Variants in SAFB2 observed in about 807,000 individuals in gnomAD.
SAFB2 encodes scaffold attachment factor B2.
In SAFB2, 32 loss-of-function variants were observed where a neutral mutation model predicts 100.6. The ratio of observed to expected loss-of-function variants is 0.32; its 90% CI spans 0.24 to 0.43. The LOEUF is 0.43. Among genes scored for constraint, SAFB2 ranks in the 20% least tolerant of loss-of-function variants. SAFB2 has a pLI of 1.00. For synonymous variants in SAFB2, 500 were observed against 439.4 expected, an observed-to-expected ratio of 1.14 and a Z score of -1.72; for missense variants, 1,185 against 1,163.4, an observed-to-expected ratio of 1.02 and a Z score of -0.27.
intron 11 of SAFB2, 122 bp from the exon 12 acceptor site, chr19:5,600,382 T>G: frequency 7.6e-7 from 1 of 1,321,840 alleles, no homozygotes; most frequent in Non-Finnish European, 1.0e-6. Context: ...CCGGCAGCAA[T>G]TAGGTGGGAA....
intron 9 of SAFB2, 137 bp from the exon 10 acceptor site, chr19:5,605,073 T>C (rs1431470270): frequency 6.1e-6 from 6 of 989,792 alleles, no homozygotes; most frequent in Non-Finnish European, 8.9e-6. Context: ...AGTTACTGAA[T>C]TGGTTCTAAT....
intron 2 of SAFB2, 96 bp from the exon 3 acceptor site, chr19:5,616,582 T>C: frequency 1.9e-6 from 2 of 1,033,594 alleles, no homozygotes; most frequent in Non-Finnish European, 3.0e-6. Flanking sequence ...CAGAACACAT[T>C]ACAAGATAAA....
intron 18 of SAFB2, among the ~76,000 whole-genome samples, chr19:5,588,192 C>G (rs1012864258): frequency 2.6e-5 from 4 of 151,256 alleles, no homozygotes; most frequent in African/African-American, 9.7e-5. Flanking sequence ...CCCAGAAATG[C>G]CAATCCGAGC....
intron 9 of SAFB2, among the ~76,000 whole-genome samples, chr19:5,605,863 GA>G (rs1225999890): frequency 6.6e-6 from 1 of 152,210 alleles, no homozygotes; most frequent in East Asian, 1.9e-4. Context: ...AGACAGCACT[GA>G]GATTCTGAGA....
Position 5,590,342 on chromosome 19 carries a change from C to T in SAFB2, c.2461G>A (p.Gly821Ser), listed in dbSNP as rs767571803. 6 of 1,611,008 alleles carry T rather than the reference C, an allele frequency of 3.7e-6. No individual in the cohort carries two copies. Among genetic ancestry groups the T allele is most frequent in the South Asian group, 1.1e-5 (1 of 90,220 alleles). The change falls in exon 18 of 21, where the codon GGC (glycine) becomes AGC (serine). Residue 821 changes from glycine to serine, a missense_variant. Around this residue, in one of 3 missense-constraint regions of SAFB2, gnomAD observed 740 missense variants for 687.1 expected, o/e 1.08. Coordinates refer to ENST00000252542, the MANE Select transcript of SAFB2 (RefSeq NM_014649.3). ...PERHGRDSRD[G>S]WGGYGSDKRL... is the part of the protein sequence containing the mutation. The stretch of plus-strand genomic sequence containing the variant: ...TTGTCGGAGCCGTAGCCCCCCCAGC[C>T]ATCACGGGAGTCCCGGCCGTGGCGC...
At position 5,618,231 on chromosome 19, in the gene SAFB2, G is replaced by A. The variant is rs372406362; in HGVS notation, c.275-1745C>T. ...TAGAAAAACAGCCGGACGTGGTGGC[G>A]GGCGCCTGTAGTCTCAGCTACTCGG... is the stretch of plus-strand genomic sequence containing the variant. On this transcript the variant is annotated intron_variant, in intron 2 of 20. Coordinates refer to ENST00000252542, the MANE Select transcript of SAFB2 (RefSeq NM_014649.3). Among the ~76,000 whole-genome samples the A allele has an allele frequency of 7.8e-4, 115 of 147,592 alleles. 1 individual carries two copies. Among genetic ancestry groups the A allele is most frequent in the African/African-American group, 3.0e-3 (113 of 37,132 alleles).
intron 7 of SAFB2, 136 bp from the exon 8 acceptor site, chr19:5,610,824 G>A: frequency 1.3e-6 from 1 of 755,482 alleles, no homozygotes; most frequent in Non-Finnish European, 2.1e-6. Context: ...ACCTCTGCAA[G>A]CTTATATTGG....
chr19:5,591,444 A>C, intron 17 of SAFB2: 2 of 240,616 alleles, frequency 8.3e-6, no homozygotes, highest in Non-Finnish European at 1.6e-5. Context: ...ATGCCTGGCT[A>C]ATTTTTTGTA....
At position 5,622,642 on chromosome 19, in the gene SAFB2, G is replaced by C; in HGVS notation, c.74C>G (p.Thr25Ser). 6.2e-7 allele frequency: 1 copy of C among 1,611,294 alleles called. No homozygotes were observed. The part of the protein sequence containing the change: ...TASLGPGVAE[T>S]GTRRLSELRV... Reference sequence around the variant, plus strand: ...CAGCTCGCTGAGCCGCCTCGTCCCAGTCTCCGCAACGCCCGGGCCGAGAGA... The same window carrying C: ...CAGCTCGCTGAGCCGCCTCGTCCCACTCTCCGCAACGCCCGGGCCGAGAGA... Residue 25 changes from threonine (T) to serine (S), a missense_variant, in exon 1 of 21, where the codon ACT becomes AGT. By Grantham distance (58) the Thr-to-Ser change is moderately conservative (BLOSUM62 1). This residue lies in a region of SAFB2 where 351 missense variants were observed against 341.2 expected (regional missense o/e 1.03). Coordinates refer to ENST00000252542, the MANE Select transcript of SAFB2 (RefSeq NM_014649.3).
chr19:5,621,423 C>T lies in SAFB2; in HGVS notation c.187-27G>A, dbSNP rs768262689. 46 of 1,391,236 alleles carry T rather than the reference C, an allele frequency of 3.3e-5. 6 individuals are homozygous for T. The South Asian group carries it at 5.2e-4, about 16-fold the overall frequency. 86.2% of individuals were successfully genotyped at this position (1,391,236 alleles called of 1,614,324 possible). ...TATTAGGGAGAGATGAGTTTTACAA[C>T]ATCATTAAGAGCTGCAGGGCACACA... On this transcript the variant is annotated intron_variant, in intron 1 of 20. Coordinates refer to ENST00000252542, the MANE Select transcript of SAFB2 (RefSeq NM_014649.3).
At chr19:5,616,522 C>T (rs961028268) in intron 2 of SAFB2, 36 bp from the exon 3 acceptor site, 4 of 1,527,470 alleles carry the variant, frequency 2.6e-6, no homozygotes, top group Middle Eastern at 1.7e-4. Context: ...AGATAACACT[C>T]AAGTTCTACC....
At chr19:5,609,051 CAAAAAAAAAAAAAAA>C (rs60419324) in intron 9 of SAFB2, among the ~76,000 whole-genome samples, 4 of 72,686 alleles carry the variant, frequency 5.5e-5, no homozygotes, top group Non-Finnish European at 1.0e-4. Flanking sequence ...GACGCAGTCT[CAAAAAAAAAAAAAAA>C]AAAAAAAAGA....
At chr19:5,615,603 T>C (rs1314605129) in intron 4 of SAFB2, among the ~76,000 whole-genome samples, 1 of 151,746 alleles carries the variant, frequency 6.6e-6, no homozygotes, top group Non-Finnish European at 1.5e-5. Flanking sequence ...TAGTCTCAGT[T>C]ATGCAGGGGG....
intron 11 of SAFB2, among the ~76,000 whole-genome samples, chr19:5,601,364 G>A (rs557900532): frequency 1.3e-5 from 2 of 152,178 alleles, no homozygotes; most frequent in East Asian, 1.9e-4. Flanking sequence ...TGACACGAAC[G>A]AGGCCATACT....
intron 4 of SAFB2, 68 bp downstream of exon 4, chr19:5,616,064 G>A (rs760252984): frequency 4.3e-5 from 63 of 1,451,494 alleles, no homozygotes; most frequent in Non-Finnish European, 5.4e-5. Context: ...TCCCTCACAC[G>A]AGCAGCACGC....
At chr19:5,608,960 A>C (rs1185244001) in intron 9 of SAFB2, among the ~76,000 whole-genome samples, 2 of 150,880 alleles carry the variant, frequency 1.3e-5, no homozygotes, top group African/African-American at 4.9e-5. Flanking sequence ...AGGCACGAGA[A>C]TCACTTGAAC....
At position 5,591,459 on chromosome 19, in the gene SAFB2, T is replaced by C. The variant is rs1599227014; in HGVS notation, c.2394+289A>G. 7.3e-5 allele frequency: 20 copies of C among 272,256 alleles called. No homozygotes were observed. The South Asian group carries it at 1.1e-3, about 15-fold the overall frequency. 16.9% of individuals were successfully genotyped at this position (272,256 alleles called of 1,614,324 possible). On this transcript the variant is annotated intron_variant, in intron 17 of 20. Transcript: ENST00000252542. ...ATGCCTGGCTAATTTTTTGTATTTT[T>C]AGTAGAGACAGGGTTTCACCATGTC...
At chr19:5,620,179 T>G (rs1046584213) in intron 2 of SAFB2, among the ~76,000 whole-genome samples, 1 of 152,246 alleles carries the variant, frequency 6.6e-6, no homozygotes, top group East Asian at 1.9e-4. Context: ...AAAGCTCTTA[T>G]GCAACCTAAC....
Position 5,591,718 on chromosome 19 carries a change from C to A in SAFB2, c.2394+30G>T, listed in dbSNP as rs372303900. On this transcript the variant is annotated intron_variant, in intron 17 of 20. Transcript: ENST00000252542. ...TATGCCTGCACAGCAGTACAGTGGC[C>A]CCAGGGCTTGGCATCGGGGCTCTAC... The A allele has an allele frequency of 2.8e-4, 444 of 1,609,448 alleles. 1 individual carries two copies. Among genetic ancestry groups the A allele is most frequent in the Non-Finnish European group, 3.2e-4 (375 of 1,176,028 alleles).
Sources: allele counts gnomAD v4.1 joint callset (sites outside exome capture counted in the v4.1 genomes callset), GRCh38; gene constraint gnomAD v4.1.1; regional missense constraint gnomAD v4.1.1; transcripts MANE v1.5; gene names NCBI Gene and HGNC (gene_info 2026-07-23, HGNC 2026-07-21).